The following NDST1 variants were observed in gnomAD, a reference collection of about 807,000 sequenced individuals.
NDST1 encodes the protein N-deacetylase and N-sulfotransferase 1.
NDST1 carries 35 observed loss-of-function variants against 92.8 expected under a neutral mutation model. The ratio of observed to expected loss-of-function variants is 0.38; its 90% CI spans 0.29 to 0.50. NDST1 has a LOEUF of 0.50. Among genes scored for constraint, NDST1 ranks in the 20% least tolerant of loss-of-function variants. The probability of loss-of-function intolerance (pLI) is 0.94; values close to 1 mark genes in which losing one functional copy is unlikely to be tolerated. For synonymous variants in NDST1, 493 were observed against 500.3 expected, an observed-to-expected ratio of 0.99 and a Z score of 0.19; for missense variants, 822 against 1,182.7, an observed-to-expected ratio of 0.69 and a Z score of 4.47.
intron 6 of NDST1, 28 bp downstream of exon 6, chr5:150,535,913 G>A (rs747303623): frequency 6.2e-7 from 1 of 1,606,478 alleles, no homozygotes; most frequent in East Asian, 2.2e-5. Context: ...AGCCCAGGAG[G>A]TGGGAGAATG....
In NDST1 at chr5:150,521,032, G is replaced by A. The variant is rs901221473; in HGVS notation, c.-223G>A. On this transcript the variant is annotated 5_prime_UTR_variant, in exon 2 of 15. Coordinates refer to ENST00000261797, the MANE Select transcript of NDST1 (RefSeq NM_001543.5). The surrounding 1 kb of genome is among the most constrained non-coding windows in gnomAD (Gnocchi z 5.9). ...GTTTGCCATGGTGACATAAAGGGGC[G>A]CGGAGGAAGGAAGGAGCGTGACCAG... 2.4e-4 allele frequency: 146 copies of A among 598,960 alleles called. No individual in the cohort carries two copies. Among genetic ancestry groups the A allele is most frequent in the African/African-American group, 2.0e-3 (109 of 53,952 alleles). 37.1% of individuals were successfully genotyped at this position (598,960 alleles called of 1,614,324 possible). A position where few individuals can be genotyped will look rare whatever the true frequency, so the allele number is the denominator to read the frequency against.
At chr5:150,536,591 A>T (rs1156268996) in intron 6 of NDST1, among the ~76,000 whole-genome samples, 1 of 151,518 alleles carries the variant, frequency 6.6e-6, no homozygotes, top group Non-Finnish European at 1.5e-5. Flanking sequence ...TTTTTGAGAC[A>T]GAGTTTCACT....
chr5:150,545,528 G>T (rs748614972), intron 11 of NDST1, 42 bp downstream of exon 11: 31 of 1,608,124 alleles, frequency 1.9e-5, no homozygotes, highest in Non-Finnish European at 2.6e-5. Context: ...GGGAACACAG[G>T]GCTCCGTCTG....
chr5:150,556,179 G>A lies in NDST1; in HGVS notation c.*2847G>A, dbSNP rs2151309691. 6.6e-6 allele frequency: 1 copy of A among 152,368 alleles called. No homozygotes were observed. The highest frequency in any genetic ancestry group is 2.1e-4 in the South Asian group (1 of 4,832). 9.4% of individuals were successfully genotyped at this position (152,368 alleles called of 1,614,324 possible). A position where few individuals can be genotyped will look rare whatever the true frequency, so the allele number is the denominator to read the frequency against. Reference sequence around the variant, plus strand: ...AAAGGAGAGAGAAATAACTGAAATTGTTCAGGTGGCTCCATCGTCTATTCT... The same window carrying A: ...AAAGGAGAGAGAAATAACTGAAATTATTCAGGTGGCTCCATCGTCTATTCT... On this transcript the variant is annotated 3_prime_UTR_variant, in exon 15 of 15. Transcript: ENST00000261797.
At chr5:150,551,309 A>G (rs1755714565) in intron 13 of NDST1, among the ~76,000 whole-genome samples, 2 of 152,326 alleles carry the variant, frequency 1.3e-5, no homozygotes, top group Admixed American at 6.5e-5. Flanking sequence ...TTTGATAAAG[A>G]TGAAATTTAT....
intron 1 of NDST1, among the ~76,000 whole-genome samples, chr5:150,519,572 C>T (rs887420765): frequency 1.3e-5 from 2 of 152,154 alleles, no homozygotes; most frequent in African/African-American, 4.8e-5. Flanking sequence ...CCTGTAATCC[C>T]AGCTACCCAG....
At position 150,549,544 on chromosome 5, in the gene NDST1, C is replaced by CAGGGGAG. The variant is rs912208684; in HGVS notation, c.2317-133_2317-127dup. 1.3e-4 allele frequency: 92 copies of CAGGGGAG among 697,080 alleles called. 1 individual carries two copies. In the Admixed American group the frequency reaches 1.8e-3, roughly 14 times the overall value. 43.2% of individuals were successfully genotyped at this position (697,080 alleles called of 1,614,324 possible). ...GAGCTTGGGGATACCTGCCCTTCAA[C>CAGGGGAG]AGGGGAGGAGGAGCCAGTTCTAGAG... On this transcript the variant is annotated intron_variant, in intron 12 of 14. Transcript: ENST00000261797.
At chr5:150,542,728 G>T in intron 9 of NDST1, 120 bp from the exon 10 acceptor site, 1 of 1,308,466 alleles carries the variant, frequency 7.6e-7, no homozygotes, top group South Asian at 1.2e-5. Context: ...TAAGACCAGA[G>T]AAAGGCAGAG....
intron 1 of NDST1, among the ~76,000 whole-genome samples, chr5:150,512,873 G>A (rs1166052192): frequency 6.6e-6 from 1 of 152,190 alleles, no homozygotes; most frequent in Non-Finnish European, 1.5e-5. Context: ...TTGCTCAAAG[G>A]TCATGAGGCT....
rs759124875 is a variant in NDST1, at chr5:150,527,821, G to A, written c.531G>A (p.Leu177=). 2.5e-6 allele frequency: 4 copies of A among 1,613,888 alleles called. No individual in the cohort carries two copies. Among genetic ancestry groups the A allele is most frequent in the Non-Finnish European group, 3.4e-6 (4 of 1,180,042 alleles). ...IGFFKANENS[L]LSAQLKGFPL... ...GACTGCAGGCCAATGAGAACAGCCT[G>A]CTGAGTGCGCAGCTCAAGGGCTTCC... The change falls in exon 3 of 15, where the codon CTG becomes CTA. Residue 177 remains leucine, a synonymous_variant. Transcript: ENST00000261797.
At position 150,553,452 on chromosome 5, in the gene NDST1, CTG is replaced by C. The variant is rs1755804681; in HGVS notation, c.*123_*124del. ...CAGCTGCGCACTTATGAGCAATACT[CTG>C]TGGAGGTCTGGTGGGGCTGGGGGAG... On this transcript the variant is annotated 3_prime_UTR_variant, in exon 15 of 15. Transcript: ENST00000261797. This position sits in a 1 kb window ranked among gnomAD's most constrained non-coding sequence, Gnocchi z 4.2. 7.3e-7 allele frequency: 1 copy of C among 1,366,332 alleles called. No individual in the cohort carries two copies. The highest frequency in any genetic ancestry group is 1.4e-5 in the African/African-American group (1 of 69,716). 84.6% of individuals were successfully genotyped at this position (1,366,332 alleles called of 1,614,324 possible).
At chr5:150,503,477 C>G (rs1276096297), upstream of NDST1, among the ~76,000 whole-genome samples, 1 of 152,172 alleles carries the variant, frequency 6.6e-6, no homozygotes, top group African/African-American at 2.4e-5. Flanking sequence ...AAATAAAGCA[C>G]TTAGCAAGGC....
Position 150,534,810 on chromosome 5 carries a change from C to T in NDST1, c.1097-57C>T, listed in dbSNP as rs1754910757. 3.1e-6 allele frequency: 5 copies of T among 1,611,498 alleles called. No homozygotes were observed. The South Asian group carries it at 4.4e-5, about 14-fold the overall frequency. On this transcript the variant is annotated intron_variant, in intron 4 of 14. Coordinates refer to ENST00000261797, the MANE Select transcript of NDST1 (RefSeq NM_001543.5). ...GCTCTCCCATCCCCAGGCACAGGCCCAGGTTAGAGGGCCTCATGGCCCAGT... is the reference window on the plus strand; with the variant it reads ...GCTCTCCCATCCCCAGGCACAGGCCTAGGTTAGAGGGCCTCATGGCCCAGT...
chr5:150,498,868 C>T (rs1753110994), intron 1 of NDST1, among the ~76,000 whole-genome samples: 1 of 152,186 alleles, frequency 6.6e-6, no homozygotes, highest in African/African-American at 2.4e-5. Context: ...TTCATGCCTC[C>T]TTTTTGGGGA....
intron 12 of NDST1, 136 bp from the exon 13 acceptor site, chr5:150,549,542 A>C: frequency 1.4e-6 from 1 of 696,664 alleles, no homozygotes; most frequent in African/African-American, 1.8e-5. Context: ...CCTGCCCTTC[A>C]ACAGGGGAGG....
chr5:150,544,625 G>GC (rs1172926462), intron 10 of NDST1, among the ~76,000 whole-genome samples: 3 of 152,222 alleles, frequency 2.0e-5, no homozygotes, highest in African/African-American at 7.2e-5. Flanking sequence ...CTTCCCACAA[G>GC]CCCCAGAAGT....
intron 2 of NDST1, among the ~76,000 whole-genome samples, chr5:150,522,439 C>CG (rs1561595008): frequency 6.8e-6 from 1 of 146,506 alleles, no homozygotes; most frequent in Non-Finnish European, 1.5e-5. Context: ...CTGTCCTTGG[C>CG]GGGGGGAGGT....
chr5:150,511,652 T>C (rs1753726747), intron 1 of NDST1, among the ~76,000 whole-genome samples: 1 of 151,584 alleles, frequency 6.6e-6, no homozygotes, highest in African/African-American at 2.4e-5. Flanking sequence ...CCTCCAACAG[T>C]CTCTTTCCCG....
intron 10 of NDST1, among the ~76,000 whole-genome samples, chr5:150,543,538 G>C (rs1438209341): frequency 2.0e-5 from 3 of 152,260 alleles, no homozygotes; most frequent in African/African-American, 7.2e-5. Context: ...CACCTTTTCA[G>C]TTGGCATCTT....
Sources: allele counts gnomAD v4.1 joint callset (sites outside exome capture counted in the v4.1 genomes callset), GRCh38; gene constraint gnomAD v4.1.1; non-coding constraint Gnocchi (gnomAD v3.1); transcripts MANE v1.5; gene names NCBI Gene and HGNC (gene_info 2026-07-23, HGNC 2026-07-21).